DLG1: variants seen among roughly 807,000 people sequenced by gnomAD.
DLG1 encodes disks large homolog 1.
In DLG1, 42 loss-of-function variants were observed where a neutral mutation model predicts 123.4. The observed-to-expected ratio is 0.34, with a 90% CI of 0.27 to 0.44. DLG1 has a LOEUF of 0.44. Ranked by LOEUF, DLG1 falls within the 20% of genes least tolerant of loss-of-function variation. DLG1 has a pLI of 1.00. For synonymous variants in DLG1, 317 were observed against 356.2 expected, an observed-to-expected ratio of 0.89 and a Z score of 1.24; for missense variants, 942 against 1,082.6, an observed-to-expected ratio of 0.87 and a Z score of 1.82.
At chr3:197,045,853 T>C (rs1722663857) in intron 24 of DLG1, among the ~76,000 whole-genome samples, 1 of 152,210 alleles carries the variant, frequency 6.6e-6, no homozygotes, top group Admixed American at 6.5e-5. Context: ...AAGAGCATCA[T>C]AGGTGTAGAT....
chr3:197,182,476 A>G (rs1388090492), intron 5 of DLG1, among the ~76,000 whole-genome samples: 3 of 152,188 alleles, frequency 2.0e-5, no homozygotes, highest in Non-Finnish European at 4.4e-5. Context: ...AACACCATTA[A>G]AAGACAATTC....
chr3:197,285,482 A>G (rs1771409079), intron 3 of DLG1, among the ~76,000 whole-genome samples: 1 of 152,168 alleles, frequency 6.6e-6, no homozygotes, highest in Admixed American at 6.5e-5. Context: ...AAGATAAGCC[A>G]CAGACAGGGA....
intron 4 of DLG1, among the ~76,000 whole-genome samples, chr3:197,249,926 G>A (rs1462148625): frequency 3.9e-5 from 6 of 152,084 alleles, no homozygotes; most frequent in Admixed American, 3.9e-4. Flanking sequence ...AATTAAAAGG[G>A]CCATATATAA....
At position 197,201,331 on chromosome 3, in the gene DLG1, C is replaced by T. The variant is rs146284871; in HGVS notation, c.319-6742G>A. Among the ~76,000 whole-genome samples, 289 of 152,302 alleles carry T rather than the reference C, an allele frequency of 1.9e-3. 9 individuals carry two copies. In the East Asian group the frequency reaches 0.051, roughly 27 times the overall value. On this transcript the variant is annotated intron_variant, in intron 4 of 24. Coordinates refer to ENST00000667157, the MANE Select transcript of DLG1 (RefSeq NM_001366207.1). Reference sequence around the variant, plus strand: ...CCCGGGAGGCGGAGCTTGCAGTGAGCCAAGATCGCGCCACTGCGCTCCAGC... The same window carrying T: ...CCCGGGAGGCGGAGCTTGCAGTGAGTCAAGATCGCGCCACTGCGCTCCAGC...
intron 6 of DLG1, among the ~76,000 whole-genome samples, chr3:197,147,985 A>G (rs1577078284): frequency 6.6e-6 from 1 of 151,912 alleles, no homozygotes; most frequent in East Asian, 1.9e-4. Flanking sequence ...GAGGTAATAA[A>G]TGAGTTCAGC....
chr3:197,277,917 G>A (rs542206998), intron 4 of DLG1, among the ~76,000 whole-genome samples: 2 of 151,132 alleles, frequency 1.3e-5, no homozygotes, highest in South Asian at 4.2e-4. Context: ...GAGGACTGCT[G>A]GAGACCACCA....
At chr3:197,140,003 T>C in intron 8 of DLG1, 137 bp downstream of exon 8, 1 of 866,308 alleles carries the variant, frequency 1.2e-6, no homozygotes, top group Non-Finnish European at 1.7e-6. Context: ...ATTCATTGAC[T>C]TGAATGTTGT....
intron 3 of DLG1, among the ~76,000 whole-genome samples, chr3:197,294,692 A>ACT (rs1356971731): frequency 6.6e-6 from 1 of 151,352 alleles, no homozygotes; most frequent in Non-Finnish European, 1.5e-5. Context: ...AAGAAAGCTA[A>ACT]CTCTATCAAA....
chr3:197,125,555 T>C (rs1224845694), intron 11 of DLG1, among the ~76,000 whole-genome samples: 2 of 152,190 alleles, frequency 1.3e-5, no homozygotes, highest in Admixed American at 1.3e-4. Context: ...TGAGATGGAA[T>C]TGCTAGAATA....
At chr3:197,110,588 A>G (rs1443332980) in intron 13 of DLG1, among the ~76,000 whole-genome samples, 1 of 152,192 alleles carries the variant, frequency 6.6e-6, no homozygotes, top group Non-Finnish European at 1.5e-5. Flanking sequence ...TTTTATGACG[A>G]AAAATAGGCA....
chr3:197,172,140 A>G (rs1258885629), intron 5 of DLG1, among the ~76,000 whole-genome samples: 1 of 152,016 alleles, frequency 6.6e-6, no homozygotes, highest in African/African-American at 2.4e-5. Context: ...GTATAAAATT[A>G]TAATGGAGCT....
intron 16 of DLG1, among the ~76,000 whole-genome samples, chr3:197,085,077 C>T (rs113107572): frequency 0.052 from 7,869 of 151,294 alleles, 235 homozygotes; most frequent in South Asian, 0.072. Context: ...AATGAGCCAC[C>T]GTGCCCAGCC....
chr3:197,229,651 A>T (rs1390835611), intron 4 of DLG1, among the ~76,000 whole-genome samples: 1 of 152,198 alleles, frequency 6.6e-6, no homozygotes, highest in African/African-American at 2.4e-5. Context: ...CTTAGATAAC[A>T]AATGCACTCT....
At chr3:197,052,418 G>A (rs1728507164) in intron 23 of DLG1, among the ~76,000 whole-genome samples, 1 of 152,126 alleles carries the variant, frequency 6.6e-6, no homozygotes, top group Non-Finnish European at 1.5e-5. Flanking sequence ...TCGTGCCACT[G>A]CACTCCAGTC....
chr3:197,254,185 A>C (rs1339239643), intron 4 of DLG1, among the ~76,000 whole-genome samples: 2 of 152,250 alleles, frequency 1.3e-5, no homozygotes, highest in Admixed American at 6.5e-5. Context: ...CCCACACATT[A>C]GATCGCCTTC....
chr3:197,287,294 T>C (rs1029728605), intron 3 of DLG1, among the ~76,000 whole-genome samples: 2 of 152,202 alleles, frequency 1.3e-5, no homozygotes, highest in African/African-American at 4.8e-5. Flanking sequence ...GAGAGATAAA[T>C]AAACTTATAT....
intron 4 of DLG1, among the ~76,000 whole-genome samples, chr3:197,199,927 G>C (rs1188202283): frequency 2.0e-5 from 3 of 152,136 alleles, no homozygotes; most frequent in African/African-American, 7.2e-5. Flanking sequence ...ATTATAGTAA[G>C]AACATTCTAA....
intron 4 of DLG1, among the ~76,000 whole-genome samples, chr3:197,203,725 C>T (rs1727059277): frequency 6.6e-6 from 1 of 152,176 alleles, no homozygotes; most frequent in African/African-American, 2.4e-5. Context: ...AAAAATTATC[C>T]TTTCAAGAGC....
In DLG1 at chr3:197,065,862, G is replaced by A. The variant is rs1052322181; in HGVS notation, c.2099-53C>T. The A allele has an allele frequency of 1.1e-5, 13 of 1,181,240 alleles. No homozygotes were observed. The East Asian group carries it at 3.1e-4, about 28-fold the overall frequency. The allele number at this position is 1,181,240 out of a possible 1,614,324, so 73.2% of individuals were successfully genotyped here. On this transcript the variant is annotated intron_variant, in intron 20 of 24. Transcript: ENST00000667157. ...GAATAAACATTCAACAAATATCAAT[G>A]TATTTTATTTCACCAGCGAACAAAA...
Sources: gnomAD v4.1 joint callset for allele counts (sites outside exome capture counted in the v4.1 genomes callset) on GRCh38, gnomAD v4.1.1 for gene constraint, MANE v1.5 for transcripts, NCBI Gene and HGNC (gene_info 2026-07-23, HGNC 2026-07-21) for gene names.